VPS13D: variants seen among roughly 807,000 people sequenced by gnomAD.
The protein encoded by VPS13D is intermembrane lipid transfer protein VPS13D.
A neutral mutation model predicts 461.9 loss-of-function variants in VPS13D; 187 were observed. The ratio of observed to expected loss-of-function variants is 0.40; its 90% CI spans 0.36 to 0.46. VPS13D has a LOEUF of 0.46. VPS13D is among the 20% of genes least tolerant of loss of function. VPS13D has a pLI of 0.60. For synonymous variants in VPS13D, 1,951 were observed against 1,986.3 expected (o/e 0.98, Z 0.47); for missense variants, 4,711 against 5,364.9 (o/e 0.88, Z 3.81).
chr1:12,290,954 A>G (rs1355061575), intron 22 of VPS13D, 44 bp from the exon 23 acceptor site: 1 of 1,539,554 alleles, frequency 6.5e-7, no homozygotes, highest in Non-Finnish European at 8.8e-7. Context: ...GTTGTGTGAC[A>G]AAAAAGGATA....
At chr1:12,239,219 T>G (rs979111133) in intron 2 of VPS13D, among the ~76,000 whole-genome samples, 7 of 152,134 alleles carry the variant, frequency 4.6e-5, no homozygotes, top group Non-Finnish European at 1.0e-4. Flanking sequence ...CACTGCACCC[T>G]CAACCTCTCT....
Position 12,333,344 on chromosome 1 carries a change from C to T in VPS13D, c.8406C>T (p.Ile2802=). ...LEAKAKPRLD[I]NITSVLIDQY... ...CCAAGGCCAAACCTCGTTTGGATAT[C>T]AATATCACTTCTGTGCTAATTGGTG... Residue 2802 remains isoleucine, a synonymous_variant, in exon 38 of 70, where the codon ATC becomes ATT. Transcript: ENST00000620676. The T allele has an allele frequency of 6.2e-7, 1 of 1,614,128 alleles. No homozygotes were observed. Among genetic ancestry groups the T allele is most frequent in the South Asian group, 1.1e-5 (1 of 91,072 alleles).
chr1:12,253,373 G>T (rs1172371911), intron 6 of VPS13D, among the ~76,000 whole-genome samples: 2 of 152,078 alleles, frequency 1.3e-5, no homozygotes, highest in Non-Finnish European at 2.9e-5. Context: ...ACTGAGGGAG[G>T]ACTGTATGGT....
intron 59 of VPS13D, 64 bp from the exon 60 acceptor site, chr1:12,386,121 C>T (rs1644348068): frequency 6.7e-7 from 1 of 1,487,894 alleles, no homozygotes; most frequent in East Asian, 2.5e-5. Flanking sequence ...TTTTCTTATA[C>T]TCTCCTGGAT....
At chr1:12,415,939 G>T (rs957064878) in intron 64 of VPS13D, among the ~76,000 whole-genome samples, 2 of 152,240 alleles carry the variant, frequency 1.3e-5, no homozygotes, top group African/African-American at 4.8e-5. Context: ...AGTACTTGGT[G>T]GGAGGCCAAG....
Position 12,283,597 on chromosome 1 carries a change from T to G in VPS13D, c.5495T>G (p.Phe1832Cys). ...CAAACCTGGGTTGTGATATTAGACT[T>G]TTTTGGAATCGGCTCCACTGCAGAC... ...TLQTWVVILDFFGIGSTADNH... is the reference protein window; with the variant it reads ...TLQTWVVILDCFGIGSTADNH... The change falls in exon 21 of 70, where the codon TTT (phenylalanine) becomes TGT (cysteine). Residue 1832 changes from phenylalanine (F) to cysteine (C), a missense_variant. By Grantham distance (205) the Phe-to-Cys change is radical. Coordinates refer to ENST00000620676, the MANE Select transcript of VPS13D (RefSeq NM_015378.4). The G allele has an allele frequency of 6.2e-7, 1 of 1,614,234 alleles. No individual in the cohort carries two copies. The highest frequency in any genetic ancestry group is 8.5e-7 in the Non-Finnish European group (1 of 1,180,030).
At chr1:12,336,168 T>A in intron 39 of VPS13D, 1 of 192,478 alleles carries the variant, frequency 5.2e-6, no homozygotes, top group South Asian at 1.1e-4. Context: ...GGTTTTCTAA[T>A]TGATCGGATT....
chr1:12,488,821 TTAGAGG>T (rs1645838725), intron 67 of VPS13D, among the ~76,000 whole-genome samples: 1 of 152,160 alleles, frequency 6.6e-6, no homozygotes, highest in Admixed American at 6.5e-5. Flanking sequence ...GGGATTGGCA[TTAGAGG>T]TGACAGGTTA....
intron 3 of VPS13D, among the ~76,000 whole-genome samples, chr1:12,242,815 A>G (rs1002818370): frequency 3.4e-4 from 51 of 152,206 alleles, no homozygotes; most frequent in Non-Finnish European, 6.9e-4. Context: ...CTGAATCAGA[A>G]TCTCTGAGGG....
intron 39 of VPS13D, chr1:12,336,475 A>G (rs1643453707): frequency 6.6e-6 from 1 of 152,176 alleles, no homozygotes; most frequent in Non-Finnish European, 1.5e-5. Context: ...TAGTTGTTCC[A>G]CAAGCCATTG....
chr1:12,322,359 T>C (rs1643063109), intron 33 of VPS13D, among the ~76,000 whole-genome samples, 177 bp from the exon 34 acceptor site: 1 of 152,218 alleles, frequency 6.6e-6, no homozygotes, highest in Non-Finnish European at 1.5e-5. Flanking sequence ...AGTTGAGACA[T>C]CTTACCTTAC....
intron 65 of VPS13D, among the ~76,000 whole-genome samples, chr1:12,440,781 C>T (rs949232465): frequency 2.7e-5 from 4 of 150,104 alleles, no homozygotes; most frequent in Non-Finnish European, 4.4e-5. Flanking sequence ...GAGGCTGAGG[C>T]GTGACAATCA....
intron 2 of VPS13D, among the ~76,000 whole-genome samples, chr1:12,235,851 A>C (rs377463015): frequency 6.6e-6 from 1 of 152,204 alleles, no homozygotes; most frequent in East Asian, 1.9e-4. Context: ...CCCACTGTGA[A>C]GCTAACTACG....
Position 12,327,818 on chromosome 1 carries a change from G to A in VPS13D, c.8161G>A (p.Asp2721Asn), listed in dbSNP as rs199552629. The A allele has an allele frequency of 1.2e-6, 2 of 1,614,094 alleles. No homozygotes were observed. The highest frequency in any genetic ancestry group is 1.7e-6 in the Non-Finnish European group (2 of 1,180,018). ...VCICFIDDCM[D>N]CDVPLAELTF... ...CATCTGTTTCATCGATGACTGCATG[G>A]ATTGTGATGTTCCTCTCGCTGAACT... The change falls in exon 36 of 70, where the codon GAT (aspartate) becomes AAT (asparagine). Residue 2721 changes from aspartate (D) to asparagine (N), a missense_variant. Asp to Asn is a conservative substitution (Grantham distance 23). This residue lies in a region of VPS13D where 4,411 missense variants were observed against 4,937.8 expected (regional missense o/e 0.89). Transcript: ENST00000620676.
rs763748791 is a variant in VPS13D at position 12,275,819 on chromosome 1, C to G, written c.2237-6C>G. ...TATATTTGAATCTTCTTTTTTTTATCTTCAGATAACTCCAGGAGGAAAAGT... is the reference window on the plus strand; with the variant it reads ...TATATTTGAATCTTCTTTTTTTTATGTTCAGATAACTCCAGGAGGAAAAGT... On this transcript the variant is annotated splice_region_variant and splice_polypyrimidine_tract_variant and intron_variant, in intron 18 of 69. Coordinates refer to ENST00000620676, the MANE Select transcript of VPS13D (RefSeq NM_015378.4). 6.4e-7 allele frequency: 1 copy of G among 1,551,062 alleles called. No individual in the cohort carries two copies. Among genetic ancestry groups the G allele is most frequent in the Non-Finnish European group, 8.7e-7 (1 of 1,151,812 alleles).
chr1:12,441,982 A>G (rs1320720845), intron 65 of VPS13D, among the ~76,000 whole-genome samples: 2 of 151,944 alleles, frequency 1.3e-5, no homozygotes, highest in East Asian at 1.9e-4. Flanking sequence ...ATTGTCATGT[A>G]TTTTAGTTCT....
intron 67 of VPS13D, among the ~76,000 whole-genome samples, chr1:12,488,254 A>G (rs1645828111): frequency 6.6e-6 from 1 of 152,246 alleles, no homozygotes; most frequent in African/African-American, 2.4e-5. Context: ...GGAGATGATT[A>G]ACTTTTACAA....
chr1:12,296,501 A>C (rs985100002), intron 24 of VPS13D, among the ~76,000 whole-genome samples: 2 of 152,158 alleles, frequency 1.3e-5, no homozygotes, highest in African/African-American at 4.8e-5. Flanking sequence ...CTTTTTTAGA[A>C]TCTTTTTCCA....
At chr1:12,310,807 C>G (rs1179521694) in intron 27 of VPS13D, among the ~76,000 whole-genome samples, 2 of 134,206 alleles carry the variant, frequency 1.5e-5, no homozygotes, top group African/African-American at 5.6e-5. Context: ...CTCCCTCCCT[C>G]CCTCCCTCCC....
Sources: allele counts gnomAD v4.1 joint callset (sites outside exome capture counted in the v4.1 genomes callset), GRCh38; gene constraint gnomAD v4.1.1; regional missense constraint gnomAD v4.1.1; transcripts MANE v1.5; gene names NCBI Gene and HGNC (gene_info 2026-07-23, HGNC 2026-07-21).